PRKCG: variants seen among roughly 807,000 people sequenced by gnomAD.
PRKCG encodes the protein protein kinase C gamma type.
In PRKCG, 28 loss-of-function variants were observed where a neutral mutation model predicts 82.0. The ratio of observed to expected loss-of-function variants is 0.34; its 90% CI spans 0.25 to 0.47. The LOEUF is 0.47. PRKCG is among the 20% of genes least tolerant of loss of function. The pLI, the probability that PRKCG is intolerant of heterozygous loss-of-function variation, is 1.00. For missense variants in PRKCG, 640 were observed against 952.7 expected, an observed-to-expected ratio of 0.67 and a Z score of 4.32; for synonymous variants, 383 against 376.6, an observed-to-expected ratio of 1.02 and a Z score of -0.20.
chr19:53,900,336 C>T lies in PRKCG; in HGVS notation c.1373+12C>T. 1 of 1,613,992 alleles carries T rather than the reference C, an allele frequency of 6.2e-7. No homozygotes were observed. Among genetic ancestry groups the T allele is most frequent in the Middle Eastern group, 1.6e-4 (1 of 6,062 alleles). On this transcript the variant is annotated intron_variant, in intron 12 of 17. Transcript: ENST00000263431. The surrounding 1 kb of genome is among the most constrained non-coding windows in gnomAD (Gnocchi z 4.2). ...GAGCCCCATGCAGCGTGAGTCTCGG[C>T]CAACAGAGAATGGTCGGGGTGGTGG...
Position 53,883,213 on chromosome 19 carries a change from G to T in PRKCG, c.202+19G>T. On this transcript the variant is annotated intron_variant, in intron 2 of 17. Transcript: ENST00000263431. The surrounding 1 kb of genome is among the most constrained non-coding windows in gnomAD (Gnocchi z 5.4). ...TGTCAAGGTAAGAGCTGGGGACCGG[G>T]GCTCCTGGGACCCTCAGGAGGGTGG... 2 of 1,613,810 alleles carry T rather than the reference G, an allele frequency of 1.2e-6. No individual in the cohort carries two copies. Among genetic ancestry groups the T allele is most frequent in the Non-Finnish European group, 1.7e-6 (2 of 1,179,936 alleles).
At position 53,891,470 on chromosome 19, in the gene PRKCG, G is replaced by A. The variant is rs566937424; in HGVS notation, c.530-204G>A. Among the ~76,000 whole-genome samples the A allele has an allele frequency of 1.3e-4, 19 of 147,702 alleles. No individual in the cohort carries two copies. The East Asian group carries it at 2.8e-3, about 22-fold the overall frequency. On this transcript the variant is annotated intron_variant, in intron 5 of 17. Transcript: ENST00000263431. ...TTTTTTTTTTTTTTGTATTTTTAGT[G>A]GAGACGGGGTTTCACCATTCACAGG... is the stretch of plus-strand genomic sequence containing the variant.
intron 10 of PRKCG, 98 bp from the exon 11 acceptor site, chr19:53,898,342 G>T: frequency 6.7e-7 from 1 of 1,497,216 alleles, no homozygotes. Flanking sequence ...TGGAGGAAGG[G>T]CCTGGGATCC....
chr19:53,904,771 C>T, intron 16 of PRKCG, 29 bp downstream of exon 16: 1 of 1,568,550 alleles, frequency 6.4e-7, no homozygotes, highest in South Asian at 1.1e-5. Context: ...CCAGCTTCTC[C>T]AGGCTCACAA....
chr19:53,904,153 TG>T (rs1425080854), intron 15 of PRKCG, among the ~76,000 whole-genome samples: 1 of 151,896 alleles, frequency 6.6e-6, no homozygotes, highest in East Asian at 1.9e-4. Flanking sequence ...CCAAGCACTT[TG>T]GGAGGCCGAA....
At position 53,900,738 on chromosome 19, in the gene PRKCG, A is replaced by C; in HGVS notation, c.1564A>C (p.Ile522Leu). Residue 522 changes from isoleucine (I) to leucine (L), a missense_variant, in exon 14 of 18, where the codon ATA becomes CTA. Around this residue, in one of 7 missense-constraint regions of PRKCG, gnomAD observed 198 missense variants for 273.4 expected, o/e 0.72. Transcript: ENST00000263431. The surrounding 1 kb of genome is among the most constrained non-coding windows in gnomAD (Gnocchi z 4.2). ...CACCTTCTGCGGGACCCCGGACTAC[A>C]TAGCCCCGGAGGTAACCCCAACCCT... ...TRTFCGTPDY[I>L]APEIIAYQPY... 6.2e-7 allele frequency: 1 copy of C among 1,614,184 alleles called. No homozygotes were observed. The highest frequency in any genetic ancestry group is 8.5e-7 in the Non-Finnish European group (1 of 1,180,030).
rs752610054 is a variant in PRKCG, at chr19:53,892,575, C to T, written c.753C>T (p.Ser251=). The part of the protein sequence containing the change: ...SVEVWDWDRT[S]RNDFMGAMSF... ...AGGTGTGGGACTGGGACCGGACCTCCCGCAACGACTTCATGGGGGCCATGT... is the reference window on the plus strand; with the variant it reads ...AGGTGTGGGACTGGGACCGGACCTCTCGCAACGACTTCATGGGGGCCATGT... Residue 251 remains serine (S), a synonymous_variant, in exon 7 of 18, where the codon TCC becomes TCT. Coordinates refer to ENST00000263431, the MANE Select transcript of PRKCG (RefSeq NM_002739.5). This position sits in a 1 kb window ranked among gnomAD's most constrained non-coding sequence, Gnocchi z 5.9. 22 of 1,613,700 alleles carry T rather than the reference C, an allele frequency of 1.4e-5. No individual in the cohort carries two copies. Among genetic ancestry groups the T allele is most frequent in the Non-Finnish European group, 1.8e-5 (21 of 1,180,026 alleles).
rs7248489 is a variant in PRKCG at position 53,899,203 on chromosome 19, G to T, written c.1281+575G>T. On this transcript the variant is annotated intron_variant, in intron 11 of 17. Coordinates refer to ENST00000263431, the MANE Select transcript of PRKCG (RefSeq NM_002739.5). ...CCTGGCCAGGTGAATGGGTCCTGCGGAGGTGTCGTGAAGCGGTTGAGTTCC... is the reference window on the plus strand; with the variant it reads ...CCTGGCCAGGTGAATGGGTCCTGCGTAGGTGTCGTGAAGCGGTTGAGTTCC... 5.5e-3 allele frequency among the ~76,000 whole-genome samples: 837 copies of T among 151,824 alleles called. 9 individuals are homozygous for T. Among genetic ancestry groups the T allele is most frequent in the African/African-American group, 0.019 (776 of 41,402 alleles).
chr19:53,899,009 G>T (rs1444463169), intron 11 of PRKCG, among the ~76,000 whole-genome samples: 1 of 147,448 alleles, frequency 6.8e-6, no homozygotes, highest in Non-Finnish European at 1.5e-5. Flanking sequence ...TTTGTCAGGC[G>T]ATGGGATCAT....
intron 16 of PRKCG, among the ~76,000 whole-genome samples, 167 bp downstream of exon 16, chr19:53,904,909 T>C (rs2068790697): frequency 6.6e-6 from 1 of 152,196 alleles, no homozygotes; most frequent in African/African-American, 2.4e-5. Flanking sequence ...TTTCCAGCCC[T>C]GTTGCCACGA....
rs1192560096 is a variant in PRKCG, at chr19:53,882,767, GA to G, written c.170+104del. ...GGAAGAAGGAGGGGGCTGTAGTCCC[GA>G]CTCCCAGGTTCTAGGATGGCCAGGG... On this transcript the variant is annotated intron_variant, in intron 1 of 17. Transcript: ENST00000263431. The surrounding 1 kb of genome is among the most constrained non-coding windows in gnomAD (Gnocchi z 6.1). 5 of 1,458,534 alleles carry G rather than the reference GA, an allele frequency of 3.4e-6. No homozygotes were observed. In the African/African-American group the frequency reaches 7.1e-5, roughly 21 times the overall value. 90.3% of individuals were successfully genotyped at this position (1,458,534 alleles called of 1,614,324 possible).
In PRKCG at chr19:53,900,504, G is replaced by A. The variant is rs1204006476; in HGVS notation, c.1436+23G>A. 3 of 1,613,946 alleles carry A rather than the reference G, an allele frequency of 1.9e-6. No individual in the cohort carries two copies. Among genetic ancestry groups the A allele is most frequent in the African/African-American group, 1.3e-5 (1 of 74,908 alleles). On this transcript the variant is annotated intron_variant, in intron 13 of 17. Transcript: ENST00000263431. The surrounding 1 kb of genome is among the most constrained non-coding windows in gnomAD (Gnocchi z 4.2). ...CAGGTGAGCAGCCCCAGGAATTTCCGTGGAGGAAATCACGCCCCTGGAAGG... is the reference window on the plus strand; with the variant it reads ...CAGGTGAGCAGCCCCAGGAATTTCCATGGAGGAAATCACGCCCCTGGAAGG...
At chr19:53,902,921 A>G in intron 14 of PRKCG, 152 bp from the exon 15 acceptor site, 1 of 679,764 alleles carries the variant, frequency 1.5e-6, no homozygotes, top group Non-Finnish European at 2.6e-6. Flanking sequence ...AAAAAACGAA[A>G]CAAAAAATCA....
Position 53,882,371 on chromosome 19 carries a change from C to G in PRKCG, c.-124C>G, listed in dbSNP as rs779124246. The G allele has an allele frequency of 2.1e-6, 3 of 1,433,070 alleles. No homozygotes were observed. Among genetic ancestry groups the G allele is most frequent in the Non-Finnish European group, 1.9e-6 (2 of 1,050,934 alleles). The allele number at this position is 1,433,070 out of a possible 1,614,324, so 88.8% of individuals were successfully genotyped here. On this transcript the variant is annotated 5_prime_UTR_variant, in exon 1 of 18. Coordinates refer to ENST00000263431, the MANE Select transcript of PRKCG (RefSeq NM_002739.5). This position sits in a 1 kb window ranked among gnomAD's most constrained non-coding sequence, Gnocchi z 6.1. ...CTCCGCACCTGGAGGTGCCTTGCCC[C>G]TCTCCTGCCCACCTCGGAATTTCCC... is the stretch of plus-strand genomic sequence containing the variant.
At chr19:53,893,101 G>A in intron 8 of PRKCG, 26 bp downstream of exon 8, 4 of 1,602,498 alleles carry the variant, frequency 2.5e-6, no homozygotes, top group Non-Finnish European at 3.4e-6. Context: ...CTTCCTCAAG[G>A]GAGCCCAGCC....
intron 9 of PRKCG, among the ~76,000 whole-genome samples, chr19:53,896,303 C>T (rs1398750716): frequency 6.6e-6 from 1 of 151,726 alleles, no homozygotes; most frequent in Non-Finnish European, 1.5e-5. Flanking sequence ...TTAATATTAC[C>T]AATGAACACC....
chr19:53,904,832 C>A, intron 16 of PRKCG, 90 bp downstream of exon 16: 1 of 1,036,834 alleles, frequency 9.6e-7, no homozygotes, highest in Non-Finnish European at 1.5e-6. Context: ...GCTCCCATTC[C>A]TGAAGTCACT....
At chr19:53,895,092 C>T (rs982197881) in intron 9 of PRKCG, among the ~76,000 whole-genome samples, 4 of 152,094 alleles carry the variant, frequency 2.6e-5, no homozygotes, top group Non-Finnish European at 4.4e-5. Flanking sequence ...GTGTGCCAGG[C>T]GTGGCTCTAC....
intron 16 of PRKCG, 122 bp from the exon 17 acceptor site, chr19:53,906,195 C>T: frequency 1.5e-6 from 2 of 1,318,242 alleles, no homozygotes; most frequent in Non-Finnish European, 2.1e-6. Context: ...TCTTATCTCT[C>T]CGGATCTCAT....
Sources: allele counts gnomAD v4.1 joint callset (sites outside exome capture counted in the v4.1 genomes callset), GRCh38; gene constraint gnomAD v4.1.1; regional missense constraint gnomAD v4.1.1; non-coding constraint Gnocchi (gnomAD v3.1); transcripts MANE v1.5; gene names NCBI Gene and HGNC (gene_info 2026-07-23, HGNC 2026-07-21).